FBXW8: variants seen among roughly 807,000 people sequenced by gnomAD.
FBXW8 encodes the protein F-box/WD repeat-containing protein 8.
A neutral mutation model predicts 65.3 loss-of-function variants in FBXW8; 57 were observed. The ratio of observed to expected loss-of-function variants is 0.87; its 90% CI spans 0.71 to 1.09. FBXW8 has a LOEUF of 1.09. FBXW8 is among the 50% of genes least tolerant of loss of function. The pLI, the probability that FBXW8 is intolerant of heterozygous loss-of-function variation, is 0.00. For missense variants in FBXW8, 777 were observed against 814.8 expected (o/e 0.95, Z 0.57); for synonymous variants, 308 against 330.2 (o/e 0.93, Z 0.73).
At chr12:117,022,650 T>C (rs1318951359) in intron 8 of FBXW8, among the ~76,000 whole-genome samples, 1 of 152,054 alleles carries the variant, frequency 6.6e-6, no homozygotes, top group Non-Finnish European at 1.5e-5. Context: ...AGTGAGGCCC[T>C]GTCTTTAAAA....
intron 7 of FBXW8, among the ~76,000 whole-genome samples, chr12:117,003,599 T>C (rs773617564): frequency 3.9e-5 from 6 of 152,252 alleles, no homozygotes; most frequent in Non-Finnish European, 8.8e-5. Context: ...CTCCCAAAAG[T>C]GCATTCTTTA....
intron 5 of FBXW8, among the ~76,000 whole-genome samples, chr12:116,968,214 AAT>A (rs1186932085): frequency 6.6e-6 from 1 of 152,226 alleles, no homozygotes; most frequent in Non-Finnish European, 1.5e-5. Context: ...AGATCAAAAT[AAT>A]ATAAAGTTAT....
At chr12:116,995,170 C>T (rs1953345687) in intron 7 of FBXW8, among the ~76,000 whole-genome samples, 1 of 152,188 alleles carries the variant, frequency 6.6e-6, no homozygotes, top group South Asian at 2.1e-4. Flanking sequence ...GACTGACAGC[C>T]CTATCCGGCC....
intron 1 of FBXW8, among the ~76,000 whole-genome samples, chr12:116,919,067 A>G (rs1346650261): frequency 6.6e-6 from 1 of 152,230 alleles, no homozygotes; most frequent in Admixed American, 6.5e-5. Context: ...ACAGTATACT[A>G]TAATGTTATA....
In FBXW8 at chr12:117,010,438, A is replaced by G. The variant is rs2135709520; in HGVS notation, c.1355A>G (p.Asn452Ser). 6.2e-7 allele frequency: 1 copy of G among 1,614,242 alleles called. No homozygotes were observed. Among genetic ancestry groups the G allele is most frequent in the South Asian group, 1.1e-5 (1 of 91,092 alleles). Residue 452 changes from asparagine to serine, a missense_variant, in exon 8 of 11, where the codon AAC (asparagine) becomes AGC (serine). Coordinates refer to ENST00000652555, the MANE Select transcript of FBXW8 (RefSeq NM_153348.3). The stretch of plus-strand genomic sequence containing the variant: ...CCTCCCAACCTCATGGTCAGTGGCA[A>G]CATGGACGGGAGGTACGTGAGTTGG... The part of the protein sequence containing the change: ...DSPPNLMVSG[N>S]MDGRVRIHDL...
chr12:116,944,141 A>G (rs756241974), intron 2 of FBXW8, among the ~76,000 whole-genome samples: 24 of 152,226 alleles, frequency 1.6e-4, no homozygotes, highest in Non-Finnish European at 3.1e-4. Context: ...AGCACACATT[A>G]AAACAACTTA....
At chr12:116,978,654 G>A (rs1046514860) in intron 5 of FBXW8, 1 of 152,128 alleles carries the variant, frequency 6.6e-6, no homozygotes, top group Non-Finnish European at 1.5e-5. Context: ...GGGAGCTCGC[G>A]GCTGAAATAA....
chr12:116,931,901 G>T (rs1362402810), intron 2 of FBXW8, among the ~76,000 whole-genome samples: 1 of 152,054 alleles, frequency 6.6e-6, no homozygotes, highest in Non-Finnish European at 1.5e-5. Flanking sequence ...AATGGAAATG[G>T]TGAGAGTGTG....
At chr12:117,001,802 G>T (rs992157738) in intron 7 of FBXW8, among the ~76,000 whole-genome samples, 2 of 152,122 alleles carry the variant, frequency 1.3e-5, no homozygotes, top group South Asian at 4.1e-4. Context: ...TCACTGCTCT[G>T]ACATGAATAT....
intron 7 of FBXW8, among the ~76,000 whole-genome samples, chr12:117,007,218 G>A (rs946791260): frequency 2.0e-5 from 3 of 151,674 alleles, no homozygotes; most frequent in Admixed American, 6.6e-5. Flanking sequence ...TGCAAGTTAA[G>A]ATTCTAAGAC....
Position 116,911,349 on chromosome 12 carries a change from C to A in FBXW8, c.312C>A (p.Arg104=), listed in dbSNP as rs1459973524. The part of the protein sequence containing the change: ...GGEQLVDQLI[R]DLNEMNDVPF... ...AGCAGCTGGTGGACCAGCTCATCCG[C>A]GACCTGGTGAGTGGCCGTCGCCTCC... Residue 104 remains arginine (R), a synonymous_variant, in exon 1 of 11, where the codon CGC becomes CGA. Transcript: ENST00000652555. 2.3e-6 allele frequency: 3 copies of A among 1,279,008 alleles called. No individual in the cohort carries two copies. In the African/African-American group the frequency reaches 4.6e-5, roughly 20 times the overall value. The allele number at this position is 1,279,008 out of a possible 1,614,324, so 79.2% of individuals were successfully genotyped here.
At chr12:116,950,796 T>A (rs1001869538) in intron 4 of FBXW8, 2 of 152,194 alleles carry the variant, frequency 1.3e-5, no homozygotes, top group Non-Finnish European at 2.9e-5. Flanking sequence ...GTCCATTAAG[T>A]TATCGATGCT....
At chr12:116,940,986 T>C (rs1882527161) in intron 2 of FBXW8, among the ~76,000 whole-genome samples, 1 of 152,124 alleles carries the variant, frequency 6.6e-6, no homozygotes, top group South Asian at 2.1e-4. Context: ...AATGAAGAAA[T>C]GACTAAGGGG....
chr12:117,009,376 A>G (rs1233413925), intron 7 of FBXW8, among the ~76,000 whole-genome samples: 1 of 152,134 alleles, frequency 6.6e-6, no homozygotes, highest in East Asian at 1.9e-4. Flanking sequence ...TGGGTGACAG[A>G]GCAAGACCCT....
intron 7 of FBXW8, among the ~76,000 whole-genome samples, chr12:117,001,977 C>T (rs371180862): frequency 7.9e-5 from 12 of 152,312 alleles, no homozygotes; most frequent in Admixed American, 2.0e-4. Flanking sequence ...CACCTACGGA[C>T]GTGCTGAGAG....
At chr12:117,003,825 CT>C (rs909686726) in intron 7 of FBXW8, among the ~76,000 whole-genome samples, 10 of 152,228 alleles carry the variant, frequency 6.6e-5, no homozygotes, top group African/African-American at 2.4e-4. Flanking sequence ...TCTTTTAGGA[CT>C]TTCTCTCCTT....
chr12:116,956,405 C>G (rs1438287593), intron 4 of FBXW8, among the ~76,000 whole-genome samples: 1 of 152,172 alleles, frequency 6.6e-6, no homozygotes, highest in Non-Finnish European at 1.5e-5. Flanking sequence ...CTGCCCATAC[C>G]TCTCTAGCAA....
intron 5 of FBXW8, among the ~76,000 whole-genome samples, chr12:116,968,151 G>A (rs377743126): frequency 2.2e-4 from 33 of 152,306 alleles, no homozygotes; most frequent in African/African-American, 7.9e-4. Context: ...CTAAAAGTGA[G>A]TGGGGTTATT....
At position 116,911,261 on chromosome 12, in the gene FBXW8, A is replaced by G; in HGVS notation, c.224A>G (p.Glu75Gly). 8.0e-7 allele frequency: 1 copy of G among 1,245,678 alleles called. No homozygotes were observed. Among genetic ancestry groups the G allele is most frequent in the Non-Finnish European group, 1.0e-6 (1 of 998,098 alleles). 77.2% of individuals were successfully genotyped at this position (1,245,678 alleles called of 1,614,324 possible). Residue 75 changes from glutamate (E) to glycine (G), a missense_variant, in exon 1 of 11, where the codon GAG becomes GGG. By Grantham distance (98) the Glu-to-Gly change is moderately conservative. Transcript: ENST00000652555. Reference sequence around the variant, plus strand: ...CCGGCGGCGCGGGCGACTCGGGCCGAGGGGCAGGACGTAGCGAGCCGCTCA... The same window carrying G: ...CCGGCGGCGCGGGCGACTCGGGCCGGGGGGCAGGACGTAGCGAGCCGCTCA... ...RPPAARATRA[E>G]GQDVASRSRS... is the part of the protein sequence containing the mutation.
Sources: allele counts gnomAD v4.1 joint callset (sites outside exome capture counted in the v4.1 genomes callset), GRCh38; gene constraint gnomAD v4.1.1; transcripts MANE v1.5; gene names NCBI Gene and HGNC (gene_info 2026-07-23, HGNC 2026-07-21).